Variants in SNRPB observed in about 807,000 individuals in gnomAD.
SNRPB encodes small nuclear ribonucleoprotein-associated proteins B and B'.
In SNRPB, 5 loss-of-function variants were observed where a neutral mutation model predicts 26.6. The ratio of observed to expected loss-of-function variants is 0.19; its 90% CI spans 0.10 to 0.39. The LOEUF is 0.39. Among genes scored for constraint, SNRPB ranks in the 10% least tolerant of loss-of-function variants. SNRPB has a pLI of 1.00. For synonymous variants in SNRPB, 122 were observed against 105.8 expected (o/e 1.15, Z -0.94); for missense variants, 211 against 311.9 (o/e 0.68, Z 2.44).
chr20:2,464,536 G>A (rs999243271), intron 3 of SNRPB, among the ~76,000 whole-genome samples: 1 of 152,198 alleles, frequency 6.6e-6, no homozygotes, highest in African/African-American at 2.4e-5. Context: ...GTACTCATTT[G>A]AGAAAATCTC....
chr20:2,468,802 T>C (rs1358071326), intron 1 of SNRPB, among the ~76,000 whole-genome samples: 2 of 152,206 alleles, frequency 1.3e-5, no homozygotes, highest in Non-Finnish European at 2.9e-5. Flanking sequence ...GGCAGGTGCC[T>C]GTAATCCCAG....
chr20:2,463,000 C>A, intron 5 of SNRPB, 89 bp downstream of exon 5: 1 of 1,243,070 alleles, frequency 8.0e-7, no homozygotes, highest in Non-Finnish European at 1.1e-6. Flanking sequence ...ACAAACTCAT[C>A]ATCAGCTTCA....
intron 3 of SNRPB, among the ~76,000 whole-genome samples, chr20:2,464,224 T>C (rs1188780930): frequency 1.3e-5 from 2 of 152,206 alleles, no homozygotes; most frequent in Non-Finnish European, 2.9e-5. Flanking sequence ...TAAAGGGACA[T>C]GAGATCCATT....
chr20:2,465,577 C>T, intron 3 of SNRPB, 131 bp downstream of exon 3: 1 of 650,486 alleles, frequency 1.5e-6, no homozygotes, highest in Non-Finnish European at 2.7e-6. Context: ...TTTAAGATTT[C>T]ATTTATTATC....
chr20:2,466,811 C>T (rs1398511407), intron 2 of SNRPB, among the ~76,000 whole-genome samples: 1 of 152,162 alleles, frequency 6.6e-6, no homozygotes, highest in Non-Finnish European at 1.5e-5. Flanking sequence ...CTAATACGTA[C>T]CTGGCACCAA....
At position 2,461,679 on chromosome 20, in the gene SNRPB, T is replaced by C; in HGVS notation, c.*250A>G. 4.0e-6 allele frequency: 4 copies of C among 1,007,986 alleles called. No individual in the cohort carries two copies. The highest frequency in any genetic ancestry group is 1.8e-5 in the South Asian group (1 of 56,292). 62.4% of individuals were successfully genotyped at this position (1,007,986 alleles called of 1,614,324 possible). On this transcript the variant is annotated 3_prime_UTR_variant, in exon 7 of 7. Transcript: ENST00000381342. ...AAGAGTTTATTATAAACCAGTTTCA[T>C]AGGCCACAAGGAGATAAAAGGACTA...
chr20:2,470,698 G>C lies in SNRPB; in HGVS notation c.-8C>G. The stretch of plus-strand genomic sequence containing the variant: ...CTGTGCCCTCCTTACCATGGTGGCG[G>C]TTCTGATGGCTCTGATACCCGCCGG... On this transcript the variant is annotated 5_prime_UTR_variant, in exon 1 of 7. Coordinates refer to ENST00000381342, the MANE Select transcript of SNRPB (RefSeq NM_003091.4). The C allele has an allele frequency of 6.2e-7, 1 of 1,613,526 alleles. No individual in the cohort carries two copies. Among genetic ancestry groups the C allele is most frequent in the East Asian group, 2.2e-5 (1 of 44,876 alleles).
At chr20:2,470,419 T>A (rs1600004508) in intron 1 of SNRPB, among the ~76,000 whole-genome samples, 1 of 152,338 alleles carries the variant, frequency 6.6e-6, no homozygotes, top group Admixed American at 6.5e-5. Flanking sequence ...TCCCAGGAAT[T>A]ATGGCTACAG....
chr20:2,461,989 C>A, intron 6 of SNRPB, 50 bp from the exon 7 acceptor site: 1 of 1,400,882 alleles, frequency 7.1e-7, no homozygotes, highest in Non-Finnish European at 1.0e-6. Context: ...CAACTTGAAT[C>A]CCCAACCCTG....
Position 2,462,700 on chromosome 20 carries a change from A to AG in SNRPB, c.620dup (p.Gly208TrpfsTer34). 6.3e-7 allele frequency: 1 copy of AG among 1,599,788 alleles called. No individual in the cohort carries two copies. The highest frequency in any genetic ancestry group is 1.7e-5 in the Admixed American group (1 of 59,322). On this transcript the variant is annotated frameshift_variant, in exon 6 of 7. Coordinates refer to ENST00000381342, the MANE Select transcript of SNRPB (RefSeq NM_003091.4). LOFTEE classifies it high-confidence loss of function. ...GCATGCCCATTGGAGTCCCTCTTCC[A>AG]GGGGGGATCCCCATTGGGGGACCCA... is the stretch of plus-strand genomic sequence containing the variant.
chr20:2,464,886 A>AAC lies in SNRPB; in HGVS notation c.267+821_267+822insGT, dbSNP rs1555756855. On this transcript the variant is annotated intron_variant, in intron 3 of 6. Coordinates refer to ENST00000381342, the MANE Select transcript of SNRPB (RefSeq NM_003091.4). ...TCCATCTAAAAATCTAAAAAAAAAA[A>AAC]AAAAAAAAACCCTTCAAATGAAAAA... is the stretch of plus-strand genomic sequence containing the variant. Among the ~76,000 whole-genome samples, 35 of 76,338 alleles carry AAC rather than the reference A, an allele frequency of 4.6e-4. No homozygotes were observed. The East Asian group carries it at 0.016, about 35-fold the overall frequency. The allele number at this position is 76,338 out of a possible 152,430, so 50.1% of individuals were successfully genotyped here. A position where few individuals can be genotyped will look rare whatever the true frequency, so the allele number is the denominator to read the frequency against.
intron 1 of SNRPB, among the ~76,000 whole-genome samples, chr20:2,469,130 A>G (rs569312885): frequency 6.6e-6 from 1 of 152,130 alleles, no homozygotes; most frequent in Non-Finnish European, 1.5e-5. Flanking sequence ...AGCACAGTAC[A>G]TCTCATTTAA....
chr20:2,468,296 T>C (rs2085087638), intron 1 of SNRPB, among the ~76,000 whole-genome samples: 1 of 152,124 alleles, frequency 6.6e-6, no homozygotes, highest in Non-Finnish European at 1.5e-5. Context: ...AAGACTATAT[T>C]TGGCAGAGGG....
rs2085050905 is a variant in SNRPB, at chr20:2,463,624, G to A, written c.420+123C>T. The A allele has an allele frequency of 1.3e-6, 1 of 742,136 alleles. No individual in the cohort carries two copies. Among genetic ancestry groups the A allele is most frequent in the Non-Finnish European group, 2.3e-6 (1 of 439,798 alleles). 46.0% of individuals were successfully genotyped at this position (742,136 alleles called of 1,614,324 possible). On this transcript the variant is annotated intron_variant, in intron 4 of 6. Transcript: ENST00000381342. This position sits in a 1 kb window ranked among gnomAD's most constrained non-coding sequence, Gnocchi z 5.0. ...CTTCTAGGGCCATGTATAAACCACA[G>A]TGAAACACTGATAGTCTGACAATCA...
intron 1 of SNRPB, 46 bp from the exon 2 acceptor site, chr20:2,467,804 C>A (rs764009113): frequency 6.3e-7 from 1 of 1,591,786 alleles, no homozygotes. Flanking sequence ...CTTTTGGACC[C>A]AAGCACCTCT....
Position 2,465,337 on chromosome 20 carries a change from G to C in SNRPB, c.267+371C>G, listed in dbSNP as rs77548331. Among the ~76,000 whole-genome samples the C allele has an allele frequency of 4.3e-3, 651 of 151,536 alleles. 5 individuals are homozygous for C. Among genetic ancestry groups the C allele is most frequent in the African/African-American group, 0.015 (626 of 41,266 alleles). ...AGAAACAGGTAGAGCTTTAAAGTCT[G>C]AGATACCCAAATTCTAGTTCCCCTT... On this transcript the variant is annotated intron_variant, in intron 3 of 6. Transcript: ENST00000381342.
intron 1 of SNRPB, among the ~76,000 whole-genome samples, chr20:2,468,830 A>C (rs1194463845): frequency 6.6e-6 from 1 of 152,102 alleles, no homozygotes; most frequent in Non-Finnish European, 1.5e-5. Context: ...GGAGACTGAG[A>C]TGGGAGAATC....
chr20:2,461,683 C>T lies in SNRPB; in HGVS notation c.*246G>A, dbSNP rs2085034290. ...GTTTATTATAAACCAGTTTCATAGGCCACAAGGAGATAAAAGGACTATGTA... is the reference window on the plus strand; with the variant it reads ...GTTTATTATAAACCAGTTTCATAGGTCACAAGGAGATAAAAGGACTATGTA... On this transcript the variant is annotated 3_prime_UTR_variant, in exon 7 of 7. Transcript: ENST00000381342. The T allele has an allele frequency of 9.5e-7, 1 of 1,051,162 alleles. No individual in the cohort carries two copies. 65.1% of individuals were successfully genotyped at this position (1,051,162 alleles called of 1,614,324 possible).
intron 1 of SNRPB, among the ~76,000 whole-genome samples, chr20:2,468,418 CTA>C (rs2085088231): frequency 6.6e-6 from 1 of 152,208 alleles, no homozygotes. Context: ...AAAGAAGTGA[CTA>C]TATAGGTATC....
Sources: gnomAD v4.1 joint callset for allele counts (sites outside exome capture counted in the v4.1 genomes callset) on GRCh38, gnomAD v4.1.1 for gene constraint, Gnocchi (gnomAD v3.1) non-coding constraint, MANE v1.5 for transcripts, NCBI Gene and HGNC (gene_info 2026-07-23, HGNC 2026-07-21) for gene names.